CLOCK: variants seen among roughly 807,000 people sequenced by gnomAD.
The protein encoded by CLOCK is clock circadian regulator.
CLOCK carries 43 observed loss-of-function variants against 118.4 expected under a neutral mutation model. The ratio of observed to expected loss-of-function variants is 0.36; its 90% CI spans 0.28 to 0.47. CLOCK has a LOEUF of 0.47. CLOCK is among the 20% of genes least tolerant of loss of function. CLOCK has a pLI of 1.00. For synonymous variants in CLOCK, 326 were observed against 339.2 expected (o/e 0.96, Z 0.43); for missense variants, 846 against 999.9 (o/e 0.85, Z 2.08).
intron 3 of CLOCK, among the ~76,000 whole-genome samples, chr4:55,487,438 T>C (rs1312957567): frequency 6.6e-6 from 1 of 152,214 alleles, no homozygotes; most frequent in African/African-American, 2.4e-5. Flanking sequence ...TCTTTTAAGA[T>C]GATTATAATT....
At chr4:55,534,552 T>G (rs1433366079) in intron 1 of CLOCK, among the ~76,000 whole-genome samples, 1 of 152,182 alleles carries the variant, frequency 6.6e-6, no homozygotes, top group Non-Finnish European at 1.5e-5. Flanking sequence ...CCCCTACACC[T>G]TGATTTGGTT....
intron 1 of CLOCK, among the ~76,000 whole-genome samples, chr4:55,544,688 T>G (rs4865008): frequency 0.31 from 47,299 of 151,750 alleles, 7,622 homozygotes; most frequent in Middle Eastern, 0.41. Context: ...GGGAGGAGGA[T>G]TTTTGTTTAA....
chr4:55,452,748 G>A (rs1724578773), intron 15 of CLOCK: 1 of 201,284 alleles, frequency 5.0e-6, no homozygotes, highest in Non-Finnish European at 1.0e-5. Flanking sequence ...TTACCTACCC[G>A]ATAAAAATAT....
Position 55,459,190 on chromosome 4 carries a change from C to T in CLOCK, c.631G>A (p.Glu211Lys). Residue 211 changes from glutamate to lysine, a missense_variant, in exon 10 of 23, where the codon GAA (glutamate) becomes AAA (lysine). Glu to Lys is a moderately conservative substitution (Grantham distance 56). Transcript: ENST00000513440. Reference protein sequence around the residue: ...TIDPKEPSTYEYVKFIGNFKS... With the variant: ...TIDPKEPSTYKYVKFIGNFKS... ...AAATTTCCTATAAATTTTACATATT[C>T]ATAGGTAGATGGCTCCTTTGGGTCT... 6.2e-7 allele frequency: 1 copy of T among 1,609,054 alleles called. No individual in the cohort carries two copies.
chr4:55,460,768 G>C (rs1308571858), intron 9 of CLOCK, among the ~76,000 whole-genome samples: 1 of 152,010 alleles, frequency 6.6e-6, no homozygotes, highest in African/African-American at 2.4e-5. Flanking sequence ...ATATTCTTCG[G>C]TTATTATCAT....
intron 22 of CLOCK, 28 bp downstream of exon 22, chr4:55,438,254 G>C (rs200153193): frequency 3.7e-6 from 6 of 1,613,514 alleles, no homozygotes; most frequent in Admixed American, 1.7e-5. Context: ...AAATGAGTTT[G>C]AAGCAGCTTC....
chr4:55,509,880 T>C (rs148808758), intron 2 of CLOCK, 32 bp downstream of exon 2: 106 of 152,114 alleles, frequency 7.0e-4, no homozygotes, highest in African/African-American at 2.4e-3. Context: ...CACCCAACCA[T>C]GATTAAGGGA....
chr4:55,442,481 T>C lies in CLOCK; in HGVS notation c.2056A>G (p.Ser686Gly). The change falls in exon 21 of 23, where the codon AGC becomes GGC. Residue 686 changes from serine to glycine, a missense_variant. Transcript: ENST00000513440. ...GTAGTTACTGCAGCACTCTGGGTGC[T>C]GTTTTGTGGCATACTAGATGGAATC... ...VQIPSSMPQN[S>G]TQSAAVTTFT... 2 of 1,606,092 alleles carry C rather than the reference T, an allele frequency of 1.2e-6. No homozygotes were observed. Among genetic ancestry groups the C allele is most frequent in the Non-Finnish European group, 1.7e-6 (2 of 1,178,130 alleles).
chr4:55,444,599 G>A, intron 19 of CLOCK, 34 bp downstream of exon 19: 1 of 1,613,204 alleles, frequency 6.2e-7, no homozygotes, highest in Non-Finnish European at 8.5e-7. Context: ...AATGTGAATG[G>A]GATGCTTTGT....
chr4:55,544,058 TATCTC>T (rs1240693737), intron 1 of CLOCK, among the ~76,000 whole-genome samples: 1 of 152,118 alleles, frequency 6.6e-6, no homozygotes, highest in African/African-American at 2.4e-5. Flanking sequence ...CCCAAAATTA[TATCTC>T]ATCTAACAGC....
intron 2 of CLOCK, among the ~76,000 whole-genome samples, chr4:55,503,906 T>C (rs1318116583): frequency 1.4e-5 from 2 of 145,336 alleles, no homozygotes; most frequent in Admixed American, 7.1e-5. Flanking sequence ...TTAGTGTAAT[T>C]ATAAACAATC....
rs191100560 is a variant in CLOCK, at chr4:55,514,654, T to C, written c.-289-4589A>G. 5.2e-4 allele frequency among the ~76,000 whole-genome samples: 79 copies of C among 152,304 alleles called. 1 individual carries two copies. The highest frequency in any genetic ancestry group is 5.0e-3 in the Admixed American group (77 of 15,304). Reference sequence around the variant, plus strand: ...CTGTCAAATGTTTTTTAAACATCTATTGATATGATCATATGATTTGGTTTT... The same window carrying C: ...CTGTCAAATGTTTTTTAAACATCTACTGATATGATCATATGATTTGGTTTT... On this transcript the variant is annotated intron_variant, in intron 1 of 22. Coordinates refer to ENST00000513440, the MANE Select transcript of CLOCK (RefSeq NM_004898.4).
chr4:55,480,426 G>A (rs1343771465), intron 4 of CLOCK, among the ~76,000 whole-genome samples: 1 of 152,060 alleles, frequency 6.6e-6, no homozygotes, highest in African/African-American at 2.4e-5. Flanking sequence ...CACCATGACT[G>A]GCTAGTTTTT....
chr4:55,442,351 A>T (rs1215236194), intron 21 of CLOCK, 81 bp downstream of exon 21: 6 of 1,279,436 alleles, frequency 4.7e-6, no homozygotes, highest in African/African-American at 4.4e-5. Flanking sequence ...ACATTAAAAA[A>T]TTTGATTAAG....
At chr4:55,469,523 G>C (rs1366891508) in intron 8 of CLOCK, among the ~76,000 whole-genome samples, 1 of 152,138 alleles carries the variant, frequency 6.6e-6, no homozygotes, top group Non-Finnish European at 1.5e-5. Context: ...ACCCTCCAAT[G>C]GGACAAGATG....
chr4:55,456,555 G>A (rs145168151), intron 11 of CLOCK, among the ~76,000 whole-genome samples: 102 of 152,034 alleles, frequency 6.7e-4, no homozygotes, highest in African/African-American at 2.3e-3. Flanking sequence ...CCAGCTATTC[G>A]GCAGGCTGAG....
chr4:55,494,386 A>G (rs758667174), intron 2 of CLOCK, among the ~76,000 whole-genome samples: 6 of 152,316 alleles, frequency 3.9e-5, no homozygotes, highest in Middle Eastern at 3.4e-3. Context: ...GTGATTAAGG[A>G]TAAGGATCTT....
At chr4:55,455,810 A>G in intron 13 of CLOCK, 87 bp downstream of exon 13, 1 of 949,614 alleles carries the variant, frequency 1.1e-6, no homozygotes, top group Non-Finnish European at 1.7e-6. Context: ...AATGATTATA[A>G]ATCTGTGTCT....
rs781365918 is a variant in CLOCK at position 55,438,557 on chromosome 4, A to C, written c.2106-20T>G. On this transcript the variant is annotated intron_variant, in intron 21 of 22. Transcript: ENST00000513440. ...GAAAATCTGTTAGAAGAAAGAAGGA[A>C]AAAAATTGGAGTCCAAAGTACAAGG... The C allele has an allele frequency of 1.9e-6, 3 of 1,612,488 alleles. No individual in the cohort carries two copies. In the African/African-American group the frequency reaches 4.0e-5, roughly 22 times the overall value.
Sources: allele counts gnomAD v4.1 joint callset (sites outside exome capture counted in the v4.1 genomes callset), GRCh38; gene constraint gnomAD v4.1.1; transcripts MANE v1.5; gene names NCBI Gene and HGNC (gene_info 2026-07-23, HGNC 2026-07-21).